Variants in PTCHD4 observed in about 807,000 individuals in gnomAD.
The protein encoded by PTCHD4 is patched domain-containing protein 4.
Under a neutral mutation model 58.1 loss-of-function variants are expected in PTCHD4, and 33 were observed. The ratio of observed to expected loss-of-function variants is 0.57; its 90% CI spans 0.43 to 0.76. The LOEUF (loss-of-function observed/expected upper bound fraction) is 0.76. PTCHD4 is among the 30% of genes least tolerant of loss of function. PTCHD4 has a pLI of 0.00. For synonymous variants in PTCHD4, 478 were observed against 409.6 expected (o/e 1.17, Z -2.02); for missense variants, 1,058 against 1,027.1 (o/e 1.03, Z -0.41).
chr6:48,045,767 AT>A (rs200422547), intron 3 of PTCHD4, among the ~76,000 whole-genome samples: 33 of 148,048 alleles, frequency 2.2e-4, no homozygotes, highest in East Asian at 5.9e-4. Context: ...GATTCCAGAG[AT>A]TTTTTTTTTC....
chr6:48,048,859 G>A (rs1764130748), intron 3 of PTCHD4, among the ~76,000 whole-genome samples: 2 of 151,966 alleles, frequency 1.3e-5, no homozygotes, highest in African/African-American at 2.4e-5. Flanking sequence ...ATTTTAGTGA[G>A]TGTTTCTTAG....
chr6:48,064,778 A>G (rs1764742353), intron 3 of PTCHD4, among the ~76,000 whole-genome samples: 1 of 152,200 alleles, frequency 6.6e-6, no homozygotes, highest in South Asian at 2.1e-4. Context: ...GGGAAAGTGA[A>G]TAGTACAGAA....
chr6:47,972,226 ACAG>A (rs749794373), intron 4 of PTCHD4, among the ~76,000 whole-genome samples: 6 of 152,160 alleles, frequency 3.9e-5, no homozygotes, highest in Non-Finnish European at 8.8e-5. Flanking sequence ...CAATCACAAA[ACAG>A]CAGAATAATT....
At chr6:48,029,880 G>A (rs1763374579) in intron 3 of PTCHD4, among the ~76,000 whole-genome samples, 1 of 152,060 alleles carries the variant, frequency 6.6e-6, no homozygotes, top group South Asian at 2.1e-4. Flanking sequence ...AGCTTACAAT[G>A]TCCCTTGAAA....
intron 4 of PTCHD4, among the ~76,000 whole-genome samples, chr6:47,897,940 C>CTTTTTT (rs67063892): frequency 5.8e-4 from 44 of 76,330 alleles, no homozygotes; most frequent in Non-Finnish European, 6.5e-4. Flanking sequence ...TTCTTTCTTT[C>CTTTTTT]TTTTTTTTTT....
rs562286099 is a variant in PTCHD4 at position 47,863,251 on chromosome 6, C to T, written c.*15052G>A. ...AGGAAAAGAATGCAAAAATATCATA[C>T]ATTTGAAAATTTTATATAAACATAA... On this transcript the variant is annotated 3_prime_UTR_variant, in exon 5 of 5. Transcript: ENST00000339488. Among the ~76,000 whole-genome samples, 1 of 151,902 alleles carries T rather than the reference C, an allele frequency of 6.6e-6. No homozygotes were observed. Among genetic ancestry groups the T allele is most frequent in the South Asian group, 2.1e-4 (1 of 4,824 alleles).
intron 1 of PTCHD4, among the ~76,000 whole-genome samples, chr6:48,100,154 AAGG>A (rs1765570545): frequency 6.6e-6 from 1 of 152,194 alleles, no homozygotes; most frequent in African/African-American, 2.4e-5. Context: ...GGATGTGCAT[AAGG>A]AGATGTGAAA....
In PTCHD4 at chr6:48,006,040, G is replaced by A. The variant is rs550685404; in HGVS notation, c.898+2594C>T. Among the ~76,000 whole-genome samples the A allele has an allele frequency of 3.9e-5, 6 of 152,246 alleles. No individual in the cohort carries two copies. In the South Asian group the frequency reaches 1.0e-3, roughly 26 times the overall value. ...ACCAAACAAATGCCCCCTTTATGGA[G>A]CAAAAATCTTAAAGTATATGTTCTT... is the stretch of plus-strand genomic sequence containing the variant. On this transcript the variant is annotated intron_variant, in intron 4 of 4. Transcript: ENST00000339488.
At chr6:48,004,563 T>C (rs1006931634) in intron 4 of PTCHD4, among the ~76,000 whole-genome samples, 2 of 152,180 alleles carry the variant, frequency 1.3e-5, no homozygotes, top group African/African-American at 4.8e-5. Flanking sequence ...CTCATTGGTA[T>C]GTGCTTAGAG....
At chr6:47,918,454 A>C (rs925963632) in intron 4 of PTCHD4, among the ~76,000 whole-genome samples, 1 of 152,176 alleles carries the variant, frequency 6.6e-6, no homozygotes, top group Non-Finnish European at 1.5e-5. Context: ...GTACCAAAAA[A>C]GTTGAATAAG....
chr6:47,943,290 T>C (rs1422744267), intron 4 of PTCHD4, among the ~76,000 whole-genome samples: 2 of 152,178 alleles, frequency 1.3e-5, no homozygotes, highest in Non-Finnish European at 2.9e-5. Context: ...TAAAATGCTT[T>C]GATGATTGTG....
At position 48,083,806 on chromosome 6, in the gene PTCHD4, C is replaced by T. The variant is rs368146513; in HGVS notation, c.-969-13880G>A. 4.6e-5 allele frequency among the ~76,000 whole-genome samples: 7 copies of T among 152,238 alleles called. No homozygotes were observed. In the East Asian group the frequency reaches 7.7e-4, roughly 17 times the overall value. ...AGAAATGGGGGCCTCAGTTATACAA[C>T]CACAAGAAATCAAATTTGTTTAAAA... On this transcript the variant is annotated intron_variant, in intron 1 of 4. Transcript: ENST00000339488.
chr6:48,087,640 A>T (rs889762526), intron 1 of PTCHD4, among the ~76,000 whole-genome samples: 2 of 152,214 alleles, frequency 1.3e-5, no homozygotes, highest in African/African-American at 2.4e-5. Flanking sequence ...AACTTTCTTA[A>T]GGTCTCATAA....
chr6:48,049,319 C>T (rs1034381216), intron 3 of PTCHD4, among the ~76,000 whole-genome samples: 1 of 67,570 alleles, frequency 1.5e-5, no homozygotes, highest in South Asian at 5.1e-4. Context: ...AAACCCTGAC[C>T]TAGAGAACTT....
intron 4 of PTCHD4, among the ~76,000 whole-genome samples, chr6:47,916,823 T>C (rs1765273310): frequency 6.6e-6 from 1 of 152,158 alleles, no homozygotes; most frequent in African/African-American, 2.4e-5. Context: ...CCTAAAGTTA[T>C]AGAATCTGTC....
At chr6:47,888,202 A>C (rs1485660237) in intron 4 of PTCHD4, among the ~76,000 whole-genome samples, 3 of 46,970 alleles carry the variant, frequency 6.4e-5, no homozygotes, top group Non-Finnish European at 1.9e-4. Context: ...CTAAAAATAC[A>C]AAAAATTAGC....
chr6:48,056,569 A>T (rs1562030287), intron 3 of PTCHD4, among the ~76,000 whole-genome samples: 1 of 152,218 alleles, frequency 6.6e-6, no homozygotes, highest in Non-Finnish European at 1.5e-5. Context: ...TCTTGGATAT[A>T]TTAAAACAAT....
At position 47,860,766 on chromosome 6, in the gene PTCHD4, A is replaced by G. The variant is rs928718349; in HGVS notation, c.*17537T>C. On this transcript the variant is annotated 3_prime_UTR_variant, in exon 5 of 5. Transcript: ENST00000339488. ...TAAAAACCCACTAGTCTACTAGTTT[A>G]TTTCACTCATTGCTTGGGATTTATC... is the stretch of plus-strand genomic sequence containing the variant. 1.3e-5 allele frequency among the ~76,000 whole-genome samples: 2 copies of G among 151,982 alleles called. No individual in the cohort carries two copies. The highest frequency in any genetic ancestry group is 2.9e-5 in the Non-Finnish European group (2 of 67,936).
chr6:47,993,519 T>C (rs1428169010), intron 4 of PTCHD4, among the ~76,000 whole-genome samples: 3 of 152,138 alleles, frequency 2.0e-5, no homozygotes, highest in African/African-American at 4.8e-5. Context: ...TTAAGGACTT[T>C]GTGAACTTGA....
Sources: gnomAD v4.1 joint callset for allele counts (sites outside exome capture counted in the v4.1 genomes callset) on GRCh38, gnomAD v4.1.1 for gene constraint, MANE v1.5 for transcripts, NCBI Gene and HGNC (gene_info 2026-07-23, HGNC 2026-07-21) for gene names.